SLC25A10: variants seen among roughly 807,000 people sequenced by gnomAD.
The protein encoded by SLC25A10 is mitochondrial dicarboxylate carrier.
In SLC25A10, 32 loss-of-function variants were observed where a neutral mutation model predicts 40.4. That is an observed-to-expected ratio of 0.79 (90% CI 0.60 to 1.06). The LOEUF (loss-of-function observed/expected upper bound fraction) is 1.06, where lower values mean the gene tolerates loss of function less well. Among genes scored for constraint, SLC25A10 ranks in the 50% least tolerant of loss-of-function variants. SLC25A10 has a pLI of 0.00. For synonymous variants in SLC25A10, 181 were observed against 171.1 expected, an observed-to-expected ratio of 1.06 and a Z score of -0.45; for missense variants, 394 against 402.6, an observed-to-expected ratio of 0.98 and a Z score of 0.18.
At chr17:81,715,441 C>A in intron 2 of SLC25A10, 37 bp from the exon 3 acceptor site, 1 of 1,550,914 alleles carries the variant, frequency 6.4e-7, no homozygotes, top group Non-Finnish European at 8.9e-7. Flanking sequence ...GGGTGTGGGG[C>A]GTGCCCGTCC....
At chr17:81,715,166 CAAGGAAGGA>C (rs758850482) in intron 2 of SLC25A10, 94 bp downstream of exon 2, 51 of 1,516,696 alleles carry the variant, frequency 3.4e-5, no homozygotes, top group Admixed American at 9.5e-5. Flanking sequence ...AGACTTTGTG[CAAGGAAGGA>C]CCCACCAGGC....
chr17:81,717,941 C>A (rs1242497113), intron 9 of SLC25A10, 80 bp downstream of exon 9: 3 of 1,086,494 alleles, frequency 2.8e-6, no homozygotes, highest in South Asian at 1.3e-5. Context: ...GACACTCGCA[C>A]TGGGGACCCG....
At position 81,720,536 on chromosome 17, in the gene SLC25A10, C is replaced by T; in HGVS notation, c.*459C>T. 2 of 1,287,096 alleles carry T rather than the reference C, an allele frequency of 1.6e-6. No homozygotes were observed. The highest frequency in any genetic ancestry group is 2.0e-6 in the Non-Finnish European group (2 of 1,021,038). 79.7% of individuals were successfully genotyped at this position (1,287,096 alleles called of 1,614,324 possible). A position where few individuals can be genotyped will look rare whatever the true frequency, so the allele number is the denominator to read the frequency against. ...GTGCTAGCTCTGCACTTCGTGTCTG[C>T]TGAGAGCAACCAGACCTTCCATGTC... On this transcript the variant is annotated 3_prime_UTR_variant, in exon 11 of 11. Transcript: ENST00000350690.
chr17:81,716,537 C>G (rs779162357), intron 5 of SLC25A10: 12 of 568,460 alleles, frequency 2.1e-5, no homozygotes, highest in Non-Finnish European at 3.8e-5. Flanking sequence ...CCCAGGACCC[C>G]GGGGGCTGGC....
Position 81,712,468 on chromosome 17 carries a change from G to C in SLC25A10, c.42G>C (p.Gly14=). 1 of 1,307,536 alleles carries C rather than the reference G, an allele frequency of 7.6e-7. No homozygotes were observed. Among genetic ancestry groups the C allele is most frequent in the Non-Finnish European group, 9.7e-7 (1 of 1,029,848 alleles). The allele number at this position is 1,307,536 out of a possible 1,614,324, so 81.0% of individuals were successfully genotyped here. A position where few individuals can be genotyped will look rare whatever the true frequency, so the allele number is the denominator to read the frequency against. Residue 14 remains glycine, a synonymous_variant, in exon 1 of 11, where the codon GGG becomes GGC. Coordinates refer to ENST00000350690, the MANE Select transcript of SLC25A10 (RefSeq NM_012140.5). ...GCGTGTCGCGCTGGTACTTCGGGGGGCTGGCCTCCTGCGGGGCCGCCTGCT... is the reference window on the plus strand; with the variant it reads ...GCGTGTCGCGCTGGTACTTCGGGGGCCTGGCCTCCTGCGGGGCCGCCTGCT... ...EARVSRWYFG[G]LASCGAACCT...
intron 1 of SLC25A10, among the ~76,000 whole-genome samples, chr17:81,712,954 C>CA (rs1436140526): frequency 1.3e-5 from 2 of 152,200 alleles, no homozygotes; most frequent in Non-Finnish European, 2.9e-5. Context: ...GTAGCATACC[C>CA]AGGGTGTGGG....
chr17:81,712,498 G>C lies in SLC25A10; in HGVS notation c.72G>C (p.Thr24=). ...CCTCCTGCGGGGCCGCCTGCTGCACGCACCCGCTGGACCTGCTCAAGGTGA... is the reference window on the plus strand; with the variant it reads ...CCTCCTGCGGGGCCGCCTGCTGCACCCACCCGCTGGACCTGCTCAAGGTGA... ...GLASCGAACC[T]HPLDLLKVHL... is the part of the protein sequence containing the mutation. The change falls in exon 1 of 11, where the codon ACG becomes ACC. Residue 24 remains threonine (T), a synonymous_variant. Transcript: ENST00000350690. 6.9e-6 allele frequency: 9 copies of C among 1,300,882 alleles called. No homozygotes were observed. The highest frequency in any genetic ancestry group is 8.8e-6 in the Non-Finnish European group (9 of 1,026,792). 80.6% of individuals were successfully genotyped at this position (1,300,882 alleles called of 1,614,324 possible).
At chr17:81,717,676 G>A in intron 8 of SLC25A10, 108 bp from the exon 9 acceptor site, 1 of 1,398,630 alleles carries the variant, frequency 7.1e-7, no homozygotes, top group Non-Finnish European at 9.9e-7. Flanking sequence ...CCGCCAGCAT[G>A]TTCCTGGCCC....
intron 7 of SLC25A10, 53 bp downstream of exon 7, chr17:81,717,125 C>A: frequency 6.4e-7 from 1 of 1,569,116 alleles, no homozygotes; most frequent in Non-Finnish European, 8.8e-7. Flanking sequence ...CACTGACCTC[C>A]ATCTTCAGAG....
Position 81,717,769 on chromosome 17 carries a change from G to T in SLC25A10, c.628-15G>T. 3 of 1,608,778 alleles carry T rather than the reference G, an allele frequency of 1.9e-6. No individual in the cohort carries two copies. Among genetic ancestry groups the T allele is most frequent in the Non-Finnish European group, 2.5e-6 (3 of 1,178,542 alleles). On this transcript the variant is annotated splice_polypyrimidine_tract_variant and intron_variant, in intron 8 of 10. Transcript: ENST00000350690. ...GCGTACCTGACAGGCCGCTGGTGAC[G>T]AGCCCCCTCCTCAGGGTGGATGTGC...
Position 81,717,883 on chromosome 17 carries a change from C to T in SLC25A10, c.705+22C>T, listed in dbSNP as rs376066970. On this transcript the variant is annotated intron_variant, in intron 9 of 10. Coordinates refer to ENST00000350690, the MANE Select transcript of SLC25A10 (RefSeq NM_012140.5). Reference sequence around the variant, plus strand: ...TCAGGTGAGTGGGGCCCTGCCTGTGCAGTTGGGCTGCACAGCCCAGCGAGT... The same window carrying T: ...TCAGGTGAGTGGGGCCCTGCCTGTGTAGTTGGGCTGCACAGCCCAGCGAGT... 17 of 1,581,982 alleles carry T rather than the reference C, an allele frequency of 1.1e-5. No individual in the cohort carries two copies. The African/African-American group carries it at 2.0e-4, about 19-fold the overall frequency.
Position 81,712,351 on chromosome 17 carries a change from G to A in SLC25A10, c.-76G>A, listed in dbSNP as rs1464826107. 6.6e-5 allele frequency: 65 copies of A among 990,778 alleles called. No individual in the cohort carries two copies. Among genetic ancestry groups the A allele is most frequent in the Non-Finnish European group, 7.8e-5 (61 of 779,268 alleles). 61.4% of individuals were successfully genotyped at this position (990,778 alleles called of 1,614,324 possible). ...ACCGGGCGCGGGGCGCGGGGCGCGG[G>A]GCGCTGCGGCCGGTACACGCCGGGG... On this transcript the variant is annotated 5_prime_UTR_variant, in exon 1 of 11. Transcript: ENST00000350690.
intron 1 of SLC25A10, chr17:81,713,586 C>A: frequency 1.5e-6 from 1 of 672,092 alleles, no homozygotes; most frequent in Non-Finnish European, 1.8e-6. Flanking sequence ...AGGCCACAGG[C>A]AGCCACGGCC....
intron 9 of SLC25A10, among the ~76,000 whole-genome samples, chr17:81,718,579 C>T (rs1462772721): frequency 6.6e-6 from 1 of 152,084 alleles, no homozygotes; most frequent in African/African-American, 2.4e-5. Flanking sequence ...CCCTTGAGCC[C>T]AGGATGTCCA....
In SLC25A10 at chr17:81,716,154, C is replaced by T. The variant is rs2037482386; in HGVS notation, c.419+104C>T. On this transcript the variant is annotated intron_variant, in intron 5 of 10. Transcript: ENST00000350690. ...TGACCCAGCTGAGGCTCCAGCAGGCCGAGGTGCCTGCACGGTCCATGGAGG... is the reference window on the plus strand; with the variant it reads ...TGACCCAGCTGAGGCTCCAGCAGGCTGAGGTGCCTGCACGGTCCATGGAGG... 8 of 1,296,744 alleles carry T rather than the reference C, an allele frequency of 6.2e-6. No individual in the cohort carries two copies. In the South Asian group the frequency reaches 6.4e-5, roughly 10 times the overall value. The allele number at this position is 1,296,744 out of a possible 1,614,324, so 80.3% of individuals were successfully genotyped here.
In SLC25A10 at chr17:81,720,611, C is replaced by T; in HGVS notation, c.*534C>T. The T allele has an allele frequency of 9.9e-7, 1 of 1,013,028 alleles. No individual in the cohort carries two copies. Among genetic ancestry groups the T allele is most frequent in the Non-Finnish European group, 1.3e-6 (1 of 781,090 alleles). 62.8% of individuals were successfully genotyped at this position (1,013,028 alleles called of 1,614,324 possible). ...AGACCCCGCAGCTGGGTGGGATGAACAAGCAACGCAGACCACAAGCGAGTG... is the reference window on the plus strand; with the variant it reads ...AGACCCCGCAGCTGGGTGGGATGAATAAGCAACGCAGACCACAAGCGAGTG... On this transcript the variant is annotated 3_prime_UTR_variant, in exon 11 of 11. Coordinates refer to ENST00000350690, the MANE Select transcript of SLC25A10 (RefSeq NM_012140.5).
At chr17:81,713,368 C>T in intron 1 of SLC25A10, 1 of 820,466 alleles carries the variant, frequency 1.2e-6, no homozygotes, top group Non-Finnish European at 1.5e-6. Flanking sequence ...CCCTGTGAAC[C>T]TGGCTGTGGT....
At position 81,719,870 on chromosome 17, in the gene SLC25A10, C is replaced by G. The variant is rs1398499772; in HGVS notation, c.745C>G (p.Pro249Ala). The G allele has an allele frequency of 6.2e-6, 10 of 1,613,654 alleles. No homozygotes were observed. The highest frequency in any genetic ancestry group is 8.5e-6 in the Non-Finnish European group (10 of 1,180,020). The change falls in exon 10 of 11, where the codon CCT becomes GCT. Residue 249 changes from proline to alanine, a missense_variant. Pro to Ala is a conservative substitution (Grantham distance 27). Coordinates refer to ENST00000350690, the MANE Select transcript of SLC25A10 (RefSeq NM_012140.5). Reference sequence around the variant, plus strand: ...CGCCGTGGAGACAGCGAAGCTCGGGCCTCTGGCCTTTTACAAGGTGCAGTG... The same window carrying G: ...CGCCGTGGAGACAGCGAAGCTCGGGGCTCTGGCCTTTTACAAGGTGCAGTG... ...HCAVETAKLG[P>A]LAFYKGLVPA...
intron 1 of SLC25A10, among the ~76,000 whole-genome samples, chr17:81,714,515 C>T (rs761610514): frequency 1.3e-5 from 2 of 152,222 alleles, no homozygotes; most frequent in Non-Finnish European, 2.9e-5. Flanking sequence ...CATGGTCCTG[C>T]AGGCTCCCTC....
Sources: allele counts gnomAD v4.1 joint callset (sites outside exome capture counted in the v4.1 genomes callset), GRCh38; gene constraint gnomAD v4.1.1; transcripts MANE v1.5; gene names NCBI Gene and HGNC (gene_info 2026-07-23, HGNC 2026-07-21).